RAPGEF5: variants seen among roughly 807,000 people sequenced by gnomAD.
RAPGEF5 encodes M-Ras-regulated GEF.
A neutral mutation model predicts 125.2 loss-of-function variants in RAPGEF5; 65 were observed. That is an observed-to-expected ratio of 0.52 (90% CI 0.43 to 0.64). The LOEUF (loss-of-function observed/expected upper bound fraction) is 0.64, where lower values mean the gene tolerates loss of function less well. Among genes scored for constraint, RAPGEF5 ranks in the 30% least tolerant of loss-of-function variants. The pLI, the probability that RAPGEF5 is intolerant of heterozygous loss-of-function variation, is 0.00. For synonymous variants in RAPGEF5, 391 were observed against 385.9 expected, an observed-to-expected ratio of 1.01 and a Z score of -0.16; for missense variants, 958 against 1,048.1, an observed-to-expected ratio of 0.91 and a Z score of 1.19.
chr7:22,256,831 T>C (rs1786773592), intron 7 of RAPGEF5, among the ~76,000 whole-genome samples: 1 of 152,164 alleles, frequency 6.6e-6, no homozygotes, highest in Non-Finnish European at 1.5e-5. Flanking sequence ...GAGAAAGAAG[T>C]GCAAGGATAT....
intron 17 of RAPGEF5, among the ~76,000 whole-genome samples, chr7:22,152,878 C>T (rs1230940996): frequency 6.6e-6 from 1 of 152,140 alleles, no homozygotes; most frequent in African/African-American, 2.4e-5. Flanking sequence ...AAAATAATGG[C>T]ACATTGCCAA....
chr7:22,342,755 C>A (rs1447358749), intron 1 of RAPGEF5, among the ~76,000 whole-genome samples: 1 of 152,212 alleles, frequency 6.6e-6, no homozygotes, highest in African/African-American at 2.4e-5. Flanking sequence ...GTCACCTTTG[C>A]TCCAGTTCCC....
intron 1 of RAPGEF5, among the ~76,000 whole-genome samples, chr7:22,319,441 G>T (rs2128155413): frequency 6.6e-6 from 1 of 152,254 alleles, no homozygotes; most frequent in East Asian, 1.9e-4. Flanking sequence ...AAAATAAAAT[G>T]TATCAACTCT....
chr7:22,171,110 T>A (rs1440267102), intron 11 of RAPGEF5, among the ~76,000 whole-genome samples: 2 of 151,896 alleles, frequency 1.3e-5, no homozygotes, highest in African/African-American at 4.8e-5. Context: ...GCACTTCAAA[T>A]AAAAGTGCAA....
rs1783202038 is a variant in RAPGEF5 at position 22,139,872 on chromosome 7, A to T, written c.2277+153T>A. The T allele has an allele frequency of 9.4e-6, 6 of 638,636 alleles. No homozygotes were observed. In the South Asian group the frequency reaches 1.2e-4, roughly 13 times the overall value. 39.6% of individuals were successfully genotyped at this position (638,636 alleles called of 1,614,324 possible). A position where few individuals can be genotyped will look rare whatever the true frequency, so the allele number is the denominator to read the frequency against. On this transcript the variant is annotated intron_variant, in intron 21 of 25. Transcript: ENST00000665637. The stretch of plus-strand genomic sequence containing the variant: ...TTATCTAGTTCAGACACATTATACA[A>T]CCGTTTAAAGACCATTTGATCAAAA...
intron 9 of RAPGEF5, among the ~76,000 whole-genome samples, chr7:22,195,737 C>T (rs186363516): frequency 1.4e-3 from 206 of 151,912 alleles, no homozygotes; most frequent in South Asian, 0.012. Flanking sequence ...CCCCAAAAAA[C>T]GAAAAACAAA....
At chr7:22,162,257 C>T in intron 13 of RAPGEF5, 140 bp downstream of exon 13, 1 of 913,594 alleles carries the variant, frequency 1.1e-6, no homozygotes. Context: ...TCAAAATAAA[C>T]TTAAATATTC....
At chr7:22,258,013 T>C (rs543041462) in intron 7 of RAPGEF5, among the ~76,000 whole-genome samples, 1 of 152,328 alleles carries the variant, frequency 6.6e-6, no homozygotes, top group Admixed American at 6.5e-5. Flanking sequence ...ACAGTCATCA[T>C]TGACAGATGA....
chr7:22,241,700 A>T (rs568166711), intron 7 of RAPGEF5, among the ~76,000 whole-genome samples: 32 of 152,302 alleles, frequency 2.1e-4, no homozygotes, highest in African/African-American at 7.0e-4. Context: ...ATTATTATAC[A>T]AAACATGGTG....
chr7:22,231,542 T>C (rs1786057095), intron 7 of RAPGEF5, among the ~76,000 whole-genome samples: 1 of 152,134 alleles, frequency 6.6e-6, no homozygotes, highest in South Asian at 2.1e-4. Flanking sequence ...TCTCAAAAAA[T>C]ATAAAAACAA....
At chr7:22,253,713 G>A (rs1786679965) in intron 7 of RAPGEF5, among the ~76,000 whole-genome samples, 1 of 152,112 alleles carries the variant, frequency 6.6e-6, no homozygotes, top group Non-Finnish European at 1.5e-5. Context: ...CATATTATCA[G>A]AAAGGTAAAG....
chr7:22,280,400 C>T (rs778330936), intron 6 of RAPGEF5, among the ~76,000 whole-genome samples: 2 of 152,122 alleles, frequency 1.3e-5, no homozygotes, highest in African/African-American at 2.4e-5. Flanking sequence ...TCAACAAAAC[C>T]AACCCTGGCC....
At chr7:22,343,677 T>C (rs148693867) in intron 1 of RAPGEF5, among the ~76,000 whole-genome samples, 230 of 152,242 alleles carry the variant, frequency 1.5e-3, no homozygotes, top group African/African-American at 4.7e-3. Context: ...CCCCAAACCA[T>C]GAAAAATGTG....
At chr7:22,286,352 A>G (rs2128146084) in intron 6 of RAPGEF5, among the ~76,000 whole-genome samples, 1 of 152,364 alleles carries the variant, frequency 6.6e-6, no homozygotes, top group South Asian at 2.1e-4. Flanking sequence ...TAAATAATGC[A>G]CAACTTAGCC....
chr7:22,191,921 A>G (rs1034824371), intron 11 of RAPGEF5, among the ~76,000 whole-genome samples: 1 of 152,254 alleles, frequency 6.6e-6, no homozygotes, highest in Admixed American at 6.5e-5. Context: ...GCACTATAGA[A>G]CTGTAGTGTT....
intron 1 of RAPGEF5, among the ~76,000 whole-genome samples, chr7:22,329,685 T>C (rs914404119): frequency 1.3e-5 from 2 of 152,180 alleles, no homozygotes; most frequent in Non-Finnish European, 2.9e-5. Flanking sequence ...ATAGCTAGAT[T>C]GTTGTTTTTC....
intron 6 of RAPGEF5, among the ~76,000 whole-genome samples, chr7:22,273,701 A>C (rs570359106): frequency 6.6e-6 from 1 of 152,222 alleles, no homozygotes; most frequent in Non-Finnish European, 1.5e-5. Context: ...TCTGCTACAC[A>C]TGCACCTAAT....
At chr7:22,170,518 C>T (rs1784317221) in intron 11 of RAPGEF5, among the ~76,000 whole-genome samples, 1 of 152,202 alleles carries the variant, frequency 6.6e-6, no homozygotes, top group South Asian at 2.1e-4. Flanking sequence ...TTACACTTAG[C>T]TGCATTTAAT....
At chr7:22,293,143 A>G (rs897748958) in intron 5 of RAPGEF5, among the ~76,000 whole-genome samples, 3 of 152,194 alleles carry the variant, frequency 2.0e-5, no homozygotes, top group African/African-American at 4.8e-5. Context: ...TATCACCTCA[A>G]TCACCAAGAT....
Sources: gnomAD v4.1 joint callset for allele counts (sites outside exome capture counted in the v4.1 genomes callset) on GRCh38, gnomAD v4.1.1 for gene constraint, MANE v1.5 for transcripts, NCBI Gene and HGNC (gene_info 2026-07-23, HGNC 2026-07-21) for gene names.